ZNF469: variants seen among roughly 807,000 people sequenced by gnomAD.
ZNF469 encodes the protein zinc finger protein 469.
Under a neutral mutation model 1.0 loss-of-function variants are expected in ZNF469, and 1 was observed. The observed-to-expected ratio is 1.00, with a 90% CI of 0.35 to 4.73. The LOEUF (loss-of-function observed/expected upper bound fraction) is 4.73, where lower values mean the gene tolerates loss of function less well. ZNF469 is among the 30% of genes most tolerant of loss of function. ZNF469 has a pLI of 0.16. For synonymous variants in ZNF469, 2,703 were observed against 2,363.4 expected, an observed-to-expected ratio of 1.14 and a Z score of -4.17; for missense variants, 6,100 against 5,356.3, an observed-to-expected ratio of 1.14 and a Z score of -4.33.
intron 1 of ZNF469, among the ~76,000 whole-genome samples, chr16:88,387,171 C>T (rs539814630): frequency 2.8e-4 from 42 of 152,300 alleles, no homozygotes; most frequent in Middle Eastern, 3.4e-3. Flanking sequence ...GTGCGGACGC[C>T]GTCCGCACCC....
chr16:88,349,103 G>A, the ZNF469 span, among the ~76,000 whole-genome samples: 1 of 152,176 alleles, frequency 6.6e-6, no homozygotes, highest in Non-Finnish European at 1.5e-5. Context: ...CGGGAGGCAG[G>A]AGGCTTCCAG....
At chr16:88,212,267 A>G in the ZNF469 span, among the ~76,000 whole-genome samples, 1 of 152,128 alleles carries the variant, frequency 6.6e-6, no homozygotes, top group Admixed American at 6.5e-5. Flanking sequence ...ATCCTTGCAT[A>G]GGTCTTCTAT....
chr16:88,232,310 G>A, the ZNF469 span, among the ~76,000 whole-genome samples: 1 of 152,200 alleles, frequency 6.6e-6, no homozygotes, highest in African/African-American at 2.4e-5. Flanking sequence ...TTAGAACACA[G>A]ATTTTAAAAA....
At chr16:88,326,738 T>C in the ZNF469 span, among the ~76,000 whole-genome samples, 1 of 152,114 alleles carries the variant, frequency 6.6e-6, no homozygotes, top group Non-Finnish European at 1.5e-5. Flanking sequence ...CTTAGAGACC[T>C]TCCAGAACAA....
At chr16:88,383,331 G>A (rs1339953315) in intron 1 of ZNF469, among the ~76,000 whole-genome samples, 77 bp downstream of exon 1, 1 of 147,520 alleles carries the variant, frequency 6.8e-6, no homozygotes, top group African/African-American at 2.4e-5. Flanking sequence ...GGGTGTCACC[G>A]GGCTGCGCGG....
At chr16:88,149,014 C>G in the ZNF469 span, among the ~76,000 whole-genome samples, 1 of 152,234 alleles carries the variant, frequency 6.6e-6, no homozygotes, top group Non-Finnish European at 1.5e-5. Flanking sequence ...TCAGGCCCTT[C>G]TGGCTGTCTT....
the ZNF469 span, among the ~76,000 whole-genome samples, chr16:88,199,631 T>C: frequency 3.3e-5 from 5 of 152,192 alleles, no homozygotes; most frequent in African/African-American, 1.2e-4. Context: ...CCACATATTT[T>C]ACAGTTACTG....
chr16:88,236,009 G>A, the ZNF469 span, among the ~76,000 whole-genome samples: 3 of 152,224 alleles, frequency 2.0e-5, no homozygotes, highest in African/African-American at 7.2e-5. Context: ...AGAGAGTTAA[G>A]TTATTATCTG....
At position 88,436,854 on chromosome 16, in the gene ZNF469, C is replaced by G. The variant is rs1244914028; in HGVS notation, c.9384C>G (p.Gly3128=). ...KVCFQRFRSL[G]ELDLHKLAHT... is the part of the protein sequence containing the mutation. Reference sequence around the variant, plus strand: ...GCTTCCAGCGCTTCCGCAGCCTGGGCGAGCTGGACCTGCACAAGCTGGCCC... The same window carrying G: ...GCTTCCAGCGCTTCCGCAGCCTGGGGGAGCTGGACCTGCACAAGCTGGCCC... The change falls in exon 3 of 3, where the codon GGC becomes GGG. Residue 3128 remains glycine (G), a synonymous_variant. Transcript: ENST00000565624. 1 of 1,528,844 alleles carries G rather than the reference C, an allele frequency of 6.5e-7. No homozygotes were observed. The highest frequency in any genetic ancestry group is 1.4e-5 in the African/African-American group (1 of 72,744). The allele number at this position is 1,528,844 out of a possible 1,614,324, so 94.7% of individuals were successfully genotyped here.
the ZNF469 span, among the ~76,000 whole-genome samples, chr16:88,305,558 TCA>T: frequency 3.9e-5 from 3 of 76,962 alleles, no homozygotes; most frequent in Non-Finnish European, 5.3e-5. Context: ...GTGCACACCC[TCA>T]CACGTGCACA....
the ZNF469 span, among the ~76,000 whole-genome samples, chr16:88,238,711 A>G: frequency 6.6e-6 from 1 of 152,210 alleles, no homozygotes; most frequent in Non-Finnish European, 1.5e-5. Flanking sequence ...AAAACCATGG[A>G]GATCCCAGCC....
chr16:88,436,712 C>T lies in ZNF469; in HGVS notation c.9242C>T (p.Thr3081Met), dbSNP rs1002115521. 68 of 1,549,140 alleles carry T rather than the reference C, an allele frequency of 4.4e-5. No homozygotes were observed. Among genetic ancestry groups the T allele is most frequent in the African/African-American group, 5.5e-5 (4 of 73,034 alleles). The change falls in exon 3 of 3, where the codon ACG becomes ATG. Residue 3081 changes from threonine to methionine, a missense_variant. Transcript: ENST00000565624. ...CCCAGCTTCTTAGACTTCGAGGGCA[C>T]GGCGAGCTCACAGGGGCCACAGAGC... is the stretch of plus-strand genomic sequence containing the variant. ...PGPSFLDFEG[T>M]ASSQGPQSRR... is the part of the protein sequence containing the mutation.
Position 88,437,620 on chromosome 16 carries a change from C to G in ZNF469, c.10150C>G (p.Leu3384Val). The change falls in exon 3 of 3, where the codon CTG becomes GTG. Residue 3384 changes from leucine to valine, a missense_variant. Leu to Val is a conservative substitution (Grantham distance 32). Coordinates refer to ENST00000565624, the MANE Select transcript of ZNF469 (RefSeq NM_001367624.2). ...CGAGCACGGGGAGCTGCTGGCACAC[C>G]TGGGCGGGGCGCACGGGCTGCTGGA... Reference protein sequence around the residue: ...YPEHGELLAHLGGAHGLLERP... With the variant: ...YPEHGELLAHVGGAHGLLERP... 1 of 1,540,452 alleles carries G rather than the reference C, an allele frequency of 6.5e-7. No individual in the cohort carries two copies. Among genetic ancestry groups the G allele is most frequent in the Non-Finnish European group, 8.8e-7 (1 of 1,139,722 alleles).
the ZNF469 span, among the ~76,000 whole-genome samples, chr16:88,229,610 TGCTG>T: frequency 1.8e-5 from 1 of 54,912 alleles, no homozygotes. Flanking sequence ...CACGCGTGTG[TGCTG>T]ATGTCACGCG....
the ZNF469 span, among the ~76,000 whole-genome samples, chr16:88,326,178 C>G: frequency 2.6e-5 from 4 of 152,198 alleles, no homozygotes; most frequent in Non-Finnish European, 4.4e-5. Flanking sequence ...GGAGGGGACC[C>G]AGTGGGAGGT....
the ZNF469 span, among the ~76,000 whole-genome samples, chr16:88,348,899 G>C: frequency 6.6e-6 from 1 of 152,130 alleles, no homozygotes; most frequent in Admixed American, 6.5e-5. Flanking sequence ...GTGTGCCTGC[G>C]TGTGTGTGGT....
the ZNF469 span, among the ~76,000 whole-genome samples, chr16:88,123,254 G>A: frequency 6.6e-6 from 1 of 152,026 alleles, no homozygotes; most frequent in Admixed American, 6.5e-5. Flanking sequence ...CCATGGAGTC[G>A]GGCAGCATGC....
chr16:88,249,490 G>T, the ZNF469 span, among the ~76,000 whole-genome samples: 1 of 128,968 alleles, frequency 7.8e-6, no homozygotes, highest in Non-Finnish European at 1.5e-5. Context: ...AGGCTGGAGT[G>T]CAGTGGCACC....
rs1002187771 is a variant in ZNF469, at chr16:88,430,909, G to A, written c.3439G>A (p.Gly1147Ser). ...KPRKAARQEAGGDGAPANPEE... is the reference protein window; with the variant it reads ...KPRKAARQEASGDGAPANPEE... ...CCGGAAGGCGGCGAGGCAGGAAGCC[G>A]GCGGGGACGGAGCCCCCGCGAACCC... Residue 1147 changes from glycine to serine, a missense_variant, in exon 3 of 3, where the codon GGC becomes AGC. Transcript: ENST00000565624. The A allele has an allele frequency of 3.9e-6, 6 of 1,537,102 alleles. No individual in the cohort carries two copies. The African/African-American group carries it at 4.1e-5, about 11-fold the overall frequency.
Sources: gnomAD v4.1 joint callset for allele counts (sites outside exome capture counted in the v4.1 genomes callset) on GRCh38, gnomAD v4.1.1 for gene constraint, MANE v1.5 for transcripts, NCBI Gene and HGNC (gene_info 2026-07-23, HGNC 2026-07-21) for gene names.